The following ATE1 variants were observed in gnomAD, a reference collection of about 807,000 sequenced individuals.
ATE1 encodes arginyltransferase 1, also known as arginyl-tRNA--protein transferase 1.
ATE1 carries 36 observed loss-of-function variants against 70.5 expected under a neutral mutation model. That is an observed-to-expected ratio of 0.51 (90% CI 0.39 to 0.67). The LOEUF is 0.67. ATE1 is among the 30% of genes least tolerant of loss of function. The pLI, the probability that ATE1 is intolerant of heterozygous loss-of-function variation, is 0.00. For missense variants in ATE1, 593 were observed against 629.5 expected, an observed-to-expected ratio of 0.94 and a Z score of 0.62; for synonymous variants, 232 against 219.3, an observed-to-expected ratio of 1.06 and a Z score of -0.51.
intron 9 of ATE1, among the ~76,000 whole-genome samples, chr10:121,840,384 G>A (rs1289991132): frequency 1.3e-5 from 2 of 152,100 alleles, no homozygotes; most frequent in African/African-American, 4.8e-5. Flanking sequence ...TGTAATTACA[G>A]GTACCTGAAA....
intron 2 of ATE1, among the ~76,000 whole-genome samples, chr10:121,922,655 T>G (rs989414393): frequency 6.6e-6 from 1 of 152,126 alleles, no homozygotes; most frequent in Non-Finnish European, 1.5e-5. Context: ...AGTTCCCCTC[T>G]CACCAGCATC....
intron 11 of ATE1, among the ~76,000 whole-genome samples, chr10:121,761,221 A>C (rs1453577932): frequency 6.6e-6 from 1 of 152,140 alleles, no homozygotes; most frequent in African/African-American, 2.4e-5. Context: ...CTTCATGCAC[A>C]CCCTGCAGAA....
At chr10:121,754,175 G>T (rs566126105) in intron 11 of ATE1, among the ~76,000 whole-genome samples, 1 of 152,248 alleles carries the variant, frequency 6.6e-6, no homozygotes, top group South Asian at 2.1e-4. Flanking sequence ...CACATATATT[G>T]CCTAGATCTG....
intron 8 of ATE1, among the ~76,000 whole-genome samples, chr10:121,868,931 A>G (rs915622382): frequency 2.1e-4 from 32 of 152,338 alleles, no homozygotes; most frequent in African/African-American, 7.2e-4. Context: ...AATGTTATAA[A>G]AGCAGAAATG....
At chr10:121,777,676 T>A (rs897884298) in intron 11 of ATE1, among the ~76,000 whole-genome samples, 2 of 152,234 alleles carry the variant, frequency 1.3e-5, no homozygotes, top group African/African-American at 4.8e-5. Context: ...AGTAGTTGGA[T>A]AGTGCACTCT....
intron 11 of ATE1, among the ~76,000 whole-genome samples, chr10:121,788,604 C>T (rs1022973455): frequency 1.3e-5 from 2 of 152,212 alleles, no homozygotes; most frequent in East Asian, 1.9e-4. Context: ...TCCCTTTCCC[C>T]ACCCCCTTAT....
chr10:121,839,946 T>C (rs1467589569), intron 9 of ATE1, among the ~76,000 whole-genome samples: 1 of 152,144 alleles, frequency 6.6e-6, no homozygotes, highest in African/African-American at 2.4e-5. Flanking sequence ...AACGTGACCA[T>C]CAGACATGAA....
At chr10:121,928,298 C>T, upstream of ATE1, 1 of 1,503,182 alleles carries the variant, frequency 6.7e-7, no homozygotes, top group Non-Finnish European at 8.9e-7. Context: ...CGCCGAGGGC[C>T]TGTGCGGGGC....
intron 8 of ATE1, among the ~76,000 whole-genome samples, chr10:121,856,366 C>A (rs369961822): frequency 6.6e-6 from 1 of 151,710 alleles, no homozygotes; most frequent in Admixed American, 6.6e-5. Flanking sequence ...CCCGTCTCTA[C>A]TAAAAATACA....
At chr10:121,926,734 C>A in intron 1 of ATE1, 1 of 985,318 alleles carries the variant, frequency 1.0e-6, no homozygotes, top group Non-Finnish European at 1.2e-6. Flanking sequence ...GCCATATTAC[C>A]ACTGTCACGA....
At chr10:121,810,598 T>C (rs1947280156) in intron 10 of ATE1, among the ~76,000 whole-genome samples, 1 of 152,098 alleles carries the variant, frequency 6.6e-6, no homozygotes, top group Admixed American at 6.6e-5. Flanking sequence ...AGAGTAAAGT[T>C]CTTCTGGAAT....
chr10:121,874,552 A>T (rs1949967903), intron 7 of ATE1, among the ~76,000 whole-genome samples: 1 of 146,686 alleles, frequency 6.8e-6, no homozygotes, highest in East Asian at 1.9e-4. Flanking sequence ...TTAACCTATT[A>T]GTGGGGAGTA....
At chr10:121,755,854 G>A (rs750861260) in intron 11 of ATE1, among the ~76,000 whole-genome samples, 2 of 152,132 alleles carry the variant, frequency 1.3e-5, no homozygotes, top group Non-Finnish European at 1.5e-5. Flanking sequence ...ATGAGATTTG[G>A]GTGGGGACAC....
intron 8 of ATE1, among the ~76,000 whole-genome samples, chr10:121,854,839 A>G (rs1049121134): frequency 1.3e-5 from 2 of 152,154 alleles, no homozygotes; most frequent in Non-Finnish European, 2.9e-5. Flanking sequence ...CCCAATACAG[A>G]AGCCTTTGTT....
chr10:121,886,314 C>T (rs1950397131), intron 7 of ATE1, among the ~76,000 whole-genome samples: 1 of 151,438 alleles, frequency 6.6e-6, no homozygotes. Context: ...AAAAACCCAC[C>T]TCCTGGCCAG....
intron 11 of ATE1, among the ~76,000 whole-genome samples, chr10:121,755,572 G>A (rs1295416351): frequency 6.6e-6 from 1 of 152,180 alleles, no homozygotes; most frequent in Non-Finnish European, 1.5e-5. Flanking sequence ...ACCAAAGACT[G>A]GGCAATTTAC....
chr10:121,775,406 A>T (rs1945694606), intron 11 of ATE1, among the ~76,000 whole-genome samples: 1 of 152,120 alleles, frequency 6.6e-6, no homozygotes, highest in African/African-American at 2.4e-5. Flanking sequence ...TAGGTGCAGC[A>T]AACCACGGTG....
chr10:121,902,699 G>A (rs1341865532), intron 5 of ATE1, 79 bp from the exon 6 acceptor site: 14 of 1,365,232 alleles, frequency 1.0e-5, no homozygotes, highest in Middle Eastern at 1.9e-4. Flanking sequence ...AGATTCTACA[G>A]TGTAAGTCCA....
rs3036893 is a variant in ATE1, at chr10:121,789,296, C to CTTTTTTTT, written c.1378+865_1378+872dup. Among the ~76,000 whole-genome samples, 98 of 92,676 alleles carry CTTTTTTTT rather than the reference C, an allele frequency of 1.1e-3. 7 individuals carry two copies. Among genetic ancestry groups the CTTTTTTTT allele is most frequent in the East Asian group, 2.5e-3 (8 of 3,140 alleles). 60.8% of individuals were successfully genotyped at this position (92,676 alleles called of 152,430 possible). On this transcript the variant is annotated intron_variant, in intron 11 of 11. Transcript: ENST00000224652. ...CAGGAAGCCTAACTCCAGGGCTATG[C>CTTTTTTTT]TTTTTTTTTTTTTTTTTTTTGAGAC...
Sources: allele counts gnomAD v4.1 joint callset (sites outside exome capture counted in the v4.1 genomes callset), GRCh38; gene constraint gnomAD v4.1.1; transcripts MANE v1.5; gene names NCBI Gene and HGNC (gene_info 2026-07-23, HGNC 2026-07-21).